Variants in NPSR1 observed in about 807,000 individuals in gnomAD.
NPSR1 encodes the protein neuropeptide S receptor.
In NPSR1, 48 loss-of-function variants were observed where a neutral mutation model predicts 46.9. The observed-to-expected ratio is 1.02, with a 90% CI of 0.81 to 1.30. The LOEUF (loss-of-function observed/expected upper bound fraction) is 1.30. Among genes scored for constraint, NPSR1 ranks in the 50% most tolerant of loss-of-function variants. NPSR1 has a pLI of 0.00. For synonymous variants in NPSR1, 176 were observed against 168.1 expected (o/e 1.05, Z -0.36); for missense variants, 450 against 449.5 (o/e 1.00, Z -0.01).
At chr7:34,830,611 C>T (rs954291718) in intron 5 of NPSR1, among the ~76,000 whole-genome samples, 14 of 151,990 alleles carry the variant, frequency 9.2e-5, no homozygotes, top group Non-Finnish European at 1.9e-4. Context: ...GCAAATATTT[C>T]TCCTAATTTG....
chr7:34,691,310 A>G (rs1793236927), intron 2 of NPSR1, among the ~76,000 whole-genome samples: 1 of 152,210 alleles, frequency 6.6e-6, no homozygotes, highest in African/African-American at 2.4e-5. Flanking sequence ...CTGTAAACCA[A>G]CAACACAATT....
chr7:34,743,775 G>A (rs1176294617), intron 2 of NPSR1, among the ~76,000 whole-genome samples: 1 of 152,078 alleles, frequency 6.6e-6, no homozygotes, highest in Non-Finnish European at 1.5e-5. Context: ...TTGGGCAACT[G>A]TTACTTAGAA....
intron 3 of NPSR1, among the ~76,000 whole-genome samples, chr7:34,804,903 C>G (rs1406425104): frequency 6.6e-6 from 1 of 151,480 alleles, no homozygotes; most frequent in Non-Finnish European, 1.5e-5. Context: ...CAGCAATTAC[C>G]AAGTTGAGAT....
intron 2 of NPSR1, chr7:34,753,837 A>C (rs1445122088): frequency 6.6e-6 from 1 of 152,192 alleles, no homozygotes; most frequent in Admixed American, 6.5e-5. Context: ...CCCTGTCTCT[A>C]CAAAAATAAA....
In NPSR1 at chr7:34,712,645, C is replaced by T. The variant is rs577574255; in HGVS notation, c.280+27961C>T. Among the ~76,000 whole-genome samples, 8 of 152,326 alleles carry T rather than the reference C, an allele frequency of 5.3e-5. No individual in the cohort carries two copies. The East Asian group carries it at 1.5e-3, about 29-fold the overall frequency. ...AGTTGGAATGGAATAAATTAGAGCA[C>T]TGGATCATCCCTGAAATCCCTGAGC... On this transcript the variant is annotated intron_variant, in intron 2 of 8. Coordinates refer to ENST00000360581, the MANE Select transcript of NPSR1 (RefSeq NM_207172.2).
At position 34,849,625 on chromosome 7, in the gene NPSR1, G is replaced by A; in HGVS notation, c.1086G>A (p.Met362Ile). ...TFRERTERHE[M>I]QILSKPEFI is the part of the protein sequence containing the mutation. The stretch of plus-strand genomic sequence containing the variant: ...GGGAGAGAACTGAGAGGCATGAGAT[G>A]CAGATTCTGTCCAAGCCAGAATTCA... The change falls in exon 9 of 9, where the codon ATG becomes ATA. Residue 362 changes from methionine to isoleucine, a missense_variant. Transcript: ENST00000360581. 1 of 1,614,124 alleles carries A rather than the reference G, an allele frequency of 6.2e-7. No homozygotes were observed. The highest frequency in any genetic ancestry group is 1.3e-5 in the African/African-American group (1 of 75,024).
chr7:34,793,205 G>A (rs1259807924), intron 3 of NPSR1, among the ~76,000 whole-genome samples: 7 of 151,752 alleles, frequency 4.6e-5, no homozygotes, highest in Admixed American at 2.6e-4. Context: ...GTATACAAAT[G>A]GGATTGCAGG....
At chr7:34,758,892 T>C (rs1407696095) in intron 2 of NPSR1, among the ~76,000 whole-genome samples, 1 of 152,212 alleles carries the variant, frequency 6.6e-6, no homozygotes, top group East Asian at 1.9e-4. Context: ...TTCTTTAACT[T>C]AGAACAGTTC....
intron 6 of NPSR1, among the ~76,000 whole-genome samples, chr7:34,844,435 C>CGTTTTTTTGTTTTT (rs1035000569): frequency 6.6e-6 from 1 of 151,742 alleles, no homozygotes; most frequent in Middle Eastern, 3.2e-3. Context: ...TTCTTGAGAG[C>CGTTTTTTTGTTTTT]GTTTTTTTGT....
chr7:34,661,897 G>A (rs1791470275), intron 1 of NPSR1, among the ~76,000 whole-genome samples: 1 of 152,162 alleles, frequency 6.6e-6, no homozygotes. Flanking sequence ...AAGGGGAAAT[G>A]GGAACCAGCT....
chr7:34,852,017 G>T (rs1260754471), downstream of NPSR1, among the ~76,000 whole-genome samples: 1 of 152,152 alleles, frequency 6.6e-6, no homozygotes, highest in Non-Finnish European at 1.5e-5. Context: ...CTGGTAATTG[G>T]CCGGGCACAG....
intron 2 of NPSR1, among the ~76,000 whole-genome samples, chr7:34,696,078 T>TAAAAAAAAAAAAAAA (rs34574984): frequency 8.8e-6 from 1 of 113,890 alleles, no homozygotes; most frequent in African/African-American, 3.3e-5. Flanking sequence ...GTTGATTTGA[T>TAAAAAAAAAAAAAAA]AAAAAAAAAA....
intron 2 of NPSR1, among the ~76,000 whole-genome samples, chr7:34,698,876 A>C (rs1037035721): frequency 3.9e-5 from 6 of 152,166 alleles, no homozygotes; most frequent in Admixed American, 6.5e-5. Flanking sequence ...TTTTTAAAGA[A>C]ATCTGAACTA....
At chr7:34,812,112 A>G (rs1302915899) in intron 4 of NPSR1, among the ~76,000 whole-genome samples, 1 of 152,168 alleles carries the variant, frequency 6.6e-6, no homozygotes, top group Admixed American at 6.5e-5. Context: ...CAGAGCCACT[A>G]AGGAAGGTGG....
downstream of NPSR1, among the ~76,000 whole-genome samples, chr7:34,853,488 C>T (rs1790984165): frequency 6.6e-6 from 1 of 152,198 alleles, no homozygotes; most frequent in East Asian, 1.9e-4. Flanking sequence ...TGCCTCATTT[C>T]TCTGCAATTG....
At chr7:34,806,721 T>C (rs1788718760) in intron 3 of NPSR1, among the ~76,000 whole-genome samples, 1 of 152,150 alleles carries the variant, frequency 6.6e-6, no homozygotes, top group South Asian at 2.1e-4. Context: ...AAGATGTTAA[T>C]GACAAGGAAA....
intron 3 of NPSR1, among the ~76,000 whole-genome samples, chr7:34,796,828 T>C (rs1208371747): frequency 6.6e-6 from 1 of 152,144 alleles, no homozygotes; most frequent in Non-Finnish European, 1.5e-5. Flanking sequence ...TCCTGGGTAT[T>C]TACCCAAATA....
downstream of NPSR1, among the ~76,000 whole-genome samples, chr7:34,854,920 T>C (rs529698635): frequency 5.3e-5 from 8 of 152,196 alleles, no homozygotes; most frequent in Non-Finnish European, 1.0e-4. Flanking sequence ...TTCCACGAGA[T>C]TGAATTCATA....
At chr7:34,846,060 C>A (rs1487234678) in intron 7 of NPSR1, among the ~76,000 whole-genome samples, 1 of 152,148 alleles carries the variant, frequency 6.6e-6, no homozygotes, top group Non-Finnish European at 1.5e-5. Flanking sequence ...AGGCACAAAA[C>A]AACACTGCAG....
Sources: gnomAD v4.1 joint callset for allele counts (sites outside exome capture counted in the v4.1 genomes callset) on GRCh38, gnomAD v4.1.1 for gene constraint, MANE v1.5 for transcripts, NCBI Gene and HGNC (gene_info 2026-07-23, HGNC 2026-07-21) for gene names.